DCDC2C: variants seen among roughly 807,000 people sequenced by gnomAD.
The protein encoded by DCDC2C is doublecortin domain containing 2C, also known as doublecortin domain-containing protein 2C.
DCDC2C carries 44 observed loss-of-function variants against 45.0 expected under a neutral mutation model. The observed-to-expected ratio is 0.98, with a 90% CI of 0.77 to 1.26. The LOEUF (loss-of-function observed/expected upper bound fraction) is 1.26. Among genes scored for constraint, DCDC2C ranks in the 50% most tolerant of loss-of-function variants. The probability of loss-of-function intolerance (pLI) is 0.00; values close to 1 mark genes in which losing one functional copy is unlikely to be tolerated. For synonymous variants in DCDC2C, 187 were observed against 178.8 expected (o/e 1.05, Z -0.37); for missense variants, 447 against 468.9 (o/e 0.95, Z 0.43).
At chr2:3,825,539 A>G (rs7606109) in intron 10 of DCDC2C, among the ~76,000 whole-genome samples, 1 of 152,050 alleles carries the variant, frequency 6.6e-6, no homozygotes, top group African/African-American at 2.4e-5. Context: ...GTCATTTTTG[A>G]TATGGAAAAT....
rs111535682 is a variant in DCDC2C at position 3,741,800 on chromosome 2, G to A, written c.417-120G>A. On this transcript the variant is annotated intron_variant, in intron 3 of 10. Transcript: ENST00000399143. ...CCAATAAGACATAGTATGAAGTATT[G>A]GAGGCTGCTTAGTGCATCTCATTGT... is the stretch of plus-strand genomic sequence containing the variant. The A allele has an allele frequency of 3.7e-3, 4,083 of 1,093,866 alleles. 118 individuals are homozygous for A. In the African/African-American group the frequency reaches 0.058, roughly 15 times the overall value. The allele number at this position is 1,093,866 out of a possible 1,614,324, so 67.8% of individuals were successfully genotyped here.
At chr2:3,744,557 G>T (rs765901228) in intron 4 of DCDC2C, among the ~76,000 whole-genome samples, 1 of 152,216 alleles carries the variant, frequency 6.6e-6, no homozygotes, top group Non-Finnish European at 1.5e-5. Context: ...AGGAGAGTTA[G>T]GAGGAGGCCG....
In DCDC2C at chr2:3,727,040, C is replaced by T. The variant is rs769200377; in HGVS notation, c.377C>T (p.Ser126Phe). 16 of 1,550,442 alleles carry T rather than the reference C, an allele frequency of 1.0e-5. No homozygotes were observed. Among genetic ancestry groups the T allele is most frequent in the Non-Finnish European group, 1.3e-5 (15 of 1,146,936 alleles). Reference sequence around the variant, plus strand: ...GTGCATTGTGATATAAATGTGCCTTCCAAGTGGCAAACATATCATCGTATA... The same window carrying T: ...GTGCATTGTGATATAAATGTGCCTTTCAAGTGGCAAACATATCATCGTATA... Reference protein sequence around the residue: ...PVVHCDINVPSKWQTYHRISR... With the variant: ...PVVHCDINVPFKWQTYHRISR... Residue 126 changes from serine to phenylalanine, a missense_variant, in exon 3 of 11, where the codon TCC (serine) becomes TTC (phenylalanine). By Grantham distance (155) the Ser-to-Phe change is radical. Transcript: ENST00000399143.
At chr2:3,764,674 T>G (rs1669970836) in intron 6 of DCDC2C, among the ~76,000 whole-genome samples, 1 of 152,198 alleles carries the variant, frequency 6.6e-6, no homozygotes, top group Non-Finnish European at 1.5e-5. Context: ...AGTATGAAAA[T>G]GGACTAATAC....
chr2:3,843,158 C>T (rs967313188), intron 10 of DCDC2C, among the ~76,000 whole-genome samples: 2 of 152,158 alleles, frequency 1.3e-5, no homozygotes, highest in East Asian at 1.9e-4. Flanking sequence ...GTGTGTGCAT[C>T]GTATTCTCTC....
chr2:3,798,855 T>A (rs2148199199), intron 10 of DCDC2C, among the ~76,000 whole-genome samples: 1 of 152,236 alleles, frequency 6.6e-6, no homozygotes, highest in East Asian at 1.9e-4. Context: ...TGTCTTGGAG[T>A]TGCTCTTCTT....
chr2:3,736,138 G>A (rs1669017662), intron 3 of DCDC2C, among the ~76,000 whole-genome samples: 1 of 152,162 alleles, frequency 6.6e-6, no homozygotes, highest in Admixed American at 6.5e-5. Context: ...AAGAACTTAA[G>A]CAAGTCGGAC....
Position 3,847,160 on chromosome 2 carries a change from C to T in DCDC2C, c.1072C>T (p.Arg358Trp), listed in dbSNP as rs1037212356. 2.8e-5 allele frequency: 34 copies of T among 1,231,496 alleles called. No individual in the cohort carries two copies. Among genetic ancestry groups the T allele is most frequent in the East Asian group, 2.2e-4 (7 of 31,710 alleles). The allele number at this position is 1,231,496 out of a possible 1,614,324, so 76.3% of individuals were successfully genotyped here. Residue 358 changes from arginine to tryptophan, a missense_variant, in exon 11 of 11, where the codon CGG becomes TGG. Transcript: ENST00000399143. The part of the protein sequence containing the change: ...LCEDVERKMA[R>W]EWKPVD ...GCTTTTCTATGTCTTCCAGATGGCC[C>T]GGGAGTGGAAACCTGTAGATTAACA...
rs918814131 is a variant in DCDC2C, at chr2:3,847,773, G to A, written c.*590G>A. Among the ~76,000 whole-genome samples the A allele has an allele frequency of 1.3e-5, 2 of 152,078 alleles. No homozygotes were observed. Among genetic ancestry groups the A allele is most frequent in the African/African-American group, 4.8e-5 (2 of 41,408 alleles). ...GGGAGGTGATTGAATCATGGGGGTG[G>A]TCTTCCCCCTTGCTGTTCTCGTGAT... On this transcript the variant is annotated 3_prime_UTR_variant, in exon 11 of 11. Transcript: ENST00000399143.
chr2:3,787,456 C>G (rs573517640), intron 10 of DCDC2C, among the ~76,000 whole-genome samples: 2 of 152,240 alleles, frequency 1.3e-5, no homozygotes, highest in East Asian at 1.9e-4. Context: ...CTGGTATTCT[C>G]TAATATAATC....
intron 3 of DCDC2C, among the ~76,000 whole-genome samples, chr2:3,739,341 G>A (rs150328742): frequency 6.6e-6 from 1 of 152,266 alleles, no homozygotes; most frequent in Non-Finnish European, 1.5e-5. Flanking sequence ...CCTGCGTGAG[G>A]TCAGGCATTT....
At chr2:3,799,655 G>C (rs1277716037) in intron 10 of DCDC2C, among the ~76,000 whole-genome samples, 14 of 152,098 alleles carry the variant, frequency 9.2e-5, no homozygotes, top group Middle Eastern at 3.2e-3. Context: ...CCCCTGCTGG[G>C]GGGTGCCTCC....
rs534902091 is a variant in DCDC2C, at chr2:3,757,684, C to T, written c.726+3050C>T. ...AAGATGAGTGGAGTGTAAGTTTCCA[C>T]GACTGGAGAAGGCAGAGTGTCGATA... On this transcript the variant is annotated intron_variant, in intron 6 of 10. Coordinates refer to ENST00000399143, the MANE Select transcript of DCDC2C (RefSeq NM_001287444.2). 3.4e-4 allele frequency among the ~76,000 whole-genome samples: 52 copies of T among 152,294 alleles called. No individual in the cohort carries two copies. In the South Asian group the frequency reaches 1.0e-2, roughly 29 times the overall value.
chr2:3,726,063 G>A (rs1668675145), intron 2 of DCDC2C: 1 of 154,322 alleles, frequency 6.5e-6, no homozygotes, highest in African/African-American at 2.4e-5. Context: ...TGTGAACCAG[G>A]TAGTGGGACT....
intron 10 of DCDC2C, among the ~76,000 whole-genome samples, chr2:3,820,757 GA>G (rs1341728009): frequency 6.6e-6 from 1 of 152,138 alleles, no homozygotes; most frequent in Non-Finnish European, 1.5e-5. Flanking sequence ...GAGAGAGGGA[GA>G]TTGAAGGGTA....
chr2:3,730,521 T>C (rs1668836423), intron 3 of DCDC2C, among the ~76,000 whole-genome samples: 1 of 152,112 alleles, frequency 6.6e-6, no homozygotes, highest in Non-Finnish European at 1.5e-5. Flanking sequence ...GGAACTGTTT[T>C]AAGGAAAGGA....
chr2:3,754,744 G>C, intron 6 of DCDC2C, 110 bp downstream of exon 6: 1 of 906,938 alleles, frequency 1.1e-6, no homozygotes, highest in South Asian at 1.7e-5. Context: ...CAGAGCATCA[G>C]TGCCAGGGCC....
chr2:3,710,389 G>A (rs1032153905), intron 2 of DCDC2C, among the ~76,000 whole-genome samples: 1 of 152,072 alleles, frequency 6.6e-6, no homozygotes, highest in South Asian at 2.1e-4. Flanking sequence ...GCCAGTGTGT[G>A]TTGTTCCCCT....
At chr2:3,771,217 A>G (rs1389316365) in intron 8 of DCDC2C, among the ~76,000 whole-genome samples, 1 of 152,222 alleles carries the variant, frequency 6.6e-6, no homozygotes, top group African/African-American at 2.4e-5. Context: ...GAGTGCCAGG[A>G]GGACCCTTCC....
Sources: gnomAD v4.1 joint callset for allele counts (sites outside exome capture counted in the v4.1 genomes callset) on GRCh38, gnomAD v4.1.1 for gene constraint, MANE v1.5 for transcripts, NCBI Gene and HGNC (gene_info 2026-07-23, HGNC 2026-07-21) for gene names.